Variants in MAPK6 observed in about 807,000 individuals in gnomAD.
MAPK6 encodes the protein ERK-3.
MAPK6 carries 19 observed loss-of-function variants against 59.3 expected under a neutral mutation model. That is an observed-to-expected ratio of 0.32 (90% CI 0.22 to 0.47). The LOEUF (loss-of-function observed/expected upper bound fraction) is 0.47, where lower values mean the gene tolerates loss of function less well. MAPK6 is among the 20% of genes least tolerant of loss of function. MAPK6 has a pLI of 1.00. For synonymous variants in MAPK6, 316 were observed against 290.3 expected (o/e 1.09, Z -0.90); for missense variants, 724 against 847.9 (o/e 0.85, Z 1.81).
At chr15:52,000,010 C>T (rs2057237679) in intron 2 of MAPK6, among the ~76,000 whole-genome samples, 1 of 152,140 alleles carries the variant, frequency 6.6e-6, no homozygotes, top group African/African-American at 2.4e-5. Flanking sequence ...GCAATCACAG[C>T]TTACTGCAGC....
intron 1 of MAPK6, among the ~76,000 whole-genome samples, chr15:51,976,350 T>TG (rs1340700476): frequency 6.7e-6 from 1 of 149,838 alleles, no homozygotes; most frequent in Non-Finnish European, 1.5e-5. Context: ...TCAGTGAAGA[T>TG]GGGGGTTAGT....
At chr15:51,979,987 T>G (rs1229532647) in intron 1 of MAPK6, among the ~76,000 whole-genome samples, 1 of 151,460 alleles carries the variant, frequency 6.6e-6, no homozygotes, top group Non-Finnish European at 1.5e-5. Flanking sequence ...AATGAGCATA[T>G]TCAAAATTAA....
chr15:51,972,759 T>C (rs2057139612), intron 1 of MAPK6, among the ~76,000 whole-genome samples: 1 of 150,670 alleles, frequency 6.6e-6, no homozygotes, highest in Non-Finnish European at 1.5e-5. Context: ...GAGGCGGAGC[T>C]TGCAGTGAGC....
At chr15:51,994,852 GC>G (rs1239025604) in intron 2 of MAPK6, among the ~76,000 whole-genome samples, 2 of 152,274 alleles carry the variant, frequency 1.3e-5, no homozygotes, top group East Asian at 3.9e-4. Context: ...AAAATAAATG[GC>G]CTGTAATCTA....
At chr15:52,051,521 G>A (rs1338749617) in intron 3 of MAPK6, among the ~76,000 whole-genome samples, 3 of 152,182 alleles carry the variant, frequency 2.0e-5, no homozygotes. Flanking sequence ...GTATGTTAAT[G>A]CCAGTACTTA....
chr15:52,038,882 A>G (rs2031327058), intron 1 of MAPK6, among the ~76,000 whole-genome samples: 2 of 152,230 alleles, frequency 1.3e-5, no homozygotes, highest in Admixed American at 1.3e-4. Context: ...ATACCACCAC[A>G]GGGCTTGGGA....
intron 3 of MAPK6, among the ~76,000 whole-genome samples, chr15:52,053,030 T>C (rs2031832055): frequency 6.6e-6 from 1 of 151,900 alleles, no homozygotes; most frequent in South Asian, 2.1e-4. Flanking sequence ...TCTTTTTGAG[T>C]ATAGCCATCC....
chr15:52,013,020 AATATATATAT>A (rs71130116), intron 3 of MAPK6, among the ~76,000 whole-genome samples: 118 of 19,110 alleles, frequency 6.2e-3, no homozygotes, highest in African/African-American at 0.017. Flanking sequence ...AAAAAAAAAA[AATATATATAT>A]ATATATATAT....
chr15:52,026,604 C>T (rs1467224069), intron 1 of MAPK6, among the ~76,000 whole-genome samples: 1 of 152,056 alleles, frequency 6.6e-6, no homozygotes, highest in Non-Finnish European at 1.5e-5. Flanking sequence ...AACCTCCCAC[C>T]TTATGCAGTG....
chr15:52,016,658 A>AGG, upstream of MAPK6, among the ~76,000 whole-genome samples: 1 of 151,380 alleles, frequency 6.6e-6, no homozygotes, highest in South Asian at 2.1e-4. Flanking sequence ...TCTCTTCAAA[A>AGG]CTCTCCCCCT....
chr15:51,996,859 A>G (rs1340008790), intron 2 of MAPK6, among the ~76,000 whole-genome samples: 1 of 151,566 alleles, frequency 6.6e-6, no homozygotes, highest in East Asian at 2.0e-4. Context: ...CACCCAACTA[A>G]GTTTTTTTAG....
upstream of MAPK6, among the ~76,000 whole-genome samples, chr15:52,015,926 C>G (rs1240687896): frequency 7.8e-4 from 3 of 3,822 alleles, no homozygotes; most frequent in South Asian, 0.25. Context: ...GGCGTGGTGG[C>G]GCGCCCTGTA....
Position 52,065,094 on chromosome 15 carries a change from A to G in MAPK6, c.*94A>G. On this transcript the variant is annotated 3_prime_UTR_variant, in exon 6 of 6. Transcript: ENST00000261845. The stretch of plus-strand genomic sequence containing the variant: ...TTAAGTCATTTTTTACTTGAATCAG[A>G]TGGTGTCATTTAGTAAGGATTTTAT... The G allele has an allele frequency of 8.3e-7, 1 of 1,210,814 alleles. No homozygotes were observed. Among genetic ancestry groups the G allele is most frequent in the Non-Finnish European group, 1.1e-6 (1 of 884,114 alleles). The allele number at this position is 1,210,814 out of a possible 1,614,324, so 75.0% of individuals were successfully genotyped here.
intron 1 of MAPK6, among the ~76,000 whole-genome samples, chr15:52,041,253 A>G (rs1029421293): frequency 6.6e-6 from 1 of 152,060 alleles, no homozygotes; most frequent in Non-Finnish European, 1.5e-5. Context: ...CTAGAGTGCA[A>G]TGGCGCGATC....
At position 52,052,985 on chromosome 15, in the gene MAPK6, C is replaced by T. The variant is rs1361463170; in HGVS notation, c.700+2848C>T. 3.3e-5 allele frequency among the ~76,000 whole-genome samples: 5 copies of T among 151,856 alleles called. No individual in the cohort carries two copies. The East Asian group carries it at 9.7e-4, about 29-fold the overall frequency. ...TTCCCAGCGCAGCTGTACCATTTTACATTCCCACCACCAATGCATGAGAGT... is the reference window on the plus strand; with the variant it reads ...TTCCCAGCGCAGCTGTACCATTTTATATTCCCACCACCAATGCATGAGAGT... On this transcript the variant is annotated intron_variant, in intron 3 of 5. Coordinates refer to ENST00000261845, the MANE Select transcript of MAPK6 (RefSeq NM_002748.4).
At chr15:52,013,157 A>G (rs1442693446) in intron 3 of MAPK6, among the ~76,000 whole-genome samples, 47 of 148,824 alleles carry the variant, frequency 3.2e-4, no homozygotes, top group Non-Finnish European at 4.4e-5. Flanking sequence ...TTTCTCTGCT[A>G]TAATCTAAAC....
chr15:52,051,224 A>AT (rs2031767944), intron 3 of MAPK6, among the ~76,000 whole-genome samples: 1 of 151,918 alleles, frequency 6.6e-6, no homozygotes, highest in African/African-American at 2.4e-5. Flanking sequence ...CGCCCGGCTA[A>AT]TTTTTTGTAT....
rs941225101 is a variant in MAPK6, at chr15:52,064,829, T to G, written c.1995T>G (p.Ser665Arg). The G allele has an allele frequency of 5.0e-6, 8 of 1,611,798 alleles. No homozygotes were observed. The Admixed American group carries it at 6.7e-5, about 13-fold the overall frequency. Residue 665 changes from serine (S) to arginine (R), a missense_variant, in exon 6 of 6, where the codon AGT (serine) becomes AGG (arginine). Physicochemically the swap from Ser to Arg is moderately radical, Grantham distance 110. Coordinates refer to ENST00000261845, the MANE Select transcript of MAPK6 (RefSeq NM_002748.4). The part of the protein sequence containing the change: ...RGHEEGFLNN[S>R]GEFLFNKQLE... ...ATGAGGAAGGATTTCTGAACAACAG[T>G]GGGGAGTTCCTCTTTAACAAGCAGC...
At chr15:52,030,330 T>G (rs529970760) in intron 1 of MAPK6, among the ~76,000 whole-genome samples, 1 of 152,232 alleles carries the variant, frequency 6.6e-6, no homozygotes, top group African/African-American at 2.4e-5. Context: ...TGTCTTATTC[T>G]CTACTATATT....
Sources: gnomAD v4.1 joint callset for allele counts (sites outside exome capture counted in the v4.1 genomes callset) on GRCh38, gnomAD v4.1.1 for gene constraint, MANE v1.5 for transcripts, NCBI Gene and HGNC (gene_info 2026-07-23, HGNC 2026-07-21) for gene names.